The following ZFYVE9 variants were observed in gnomAD, a reference collection of about 807,000 sequenced individuals.
ZFYVE9 encodes the protein zinc finger FYVE-type containing 9.
A neutral mutation model predicts 126.7 loss-of-function variants in ZFYVE9; 43 were observed. That is an observed-to-expected ratio of 0.34 (90% CI 0.27 to 0.44). ZFYVE9 has a LOEUF of 0.44. ZFYVE9 is among the 20% of genes least tolerant of loss of function. The pLI is 1.00. For missense variants in ZFYVE9, 1,476 were observed against 1,697.0 expected, an observed-to-expected ratio of 0.87 and a Z score of 2.29; for synonymous variants, 521 against 597.4, an observed-to-expected ratio of 0.87 and a Z score of 1.87.
At chr1:52,208,483 T>G (rs188219905) in intron 1 of ZFYVE9, among the ~76,000 whole-genome samples, 186 of 152,000 alleles carry the variant, frequency 1.2e-3, no homozygotes, top group African/African-American at 4.2e-3. Flanking sequence ...AAAACATGGT[T>G]TAAGTCTGAA....
chr1:52,232,356 G>A (rs1173741610), intron 2 of ZFYVE9, among the ~76,000 whole-genome samples: 1 of 152,156 alleles, frequency 6.6e-6, no homozygotes, highest in Non-Finnish European at 1.5e-5. Context: ...CATACCTAGT[G>A]TATATGCCCA....
At chr1:52,233,395 A>G (rs1467906364) in intron 3 of ZFYVE9, 119 bp downstream of exon 3, 2 of 519,884 alleles carry the variant, frequency 3.8e-6, no homozygotes, top group Non-Finnish European at 6.1e-6. Context: ...TAGTAATATT[A>G]TTTAATAATA....
chr1:52,324,367 C>G (rs1488153470), intron 13 of ZFYVE9, among the ~76,000 whole-genome samples: 1 of 152,194 alleles, frequency 6.6e-6, no homozygotes, highest in African/African-American at 2.4e-5. Flanking sequence ...GGTCTAGCCT[C>G]TGGACACTAG....
chr1:52,314,433 G>A (rs1237506252), intron 13 of ZFYVE9, among the ~76,000 whole-genome samples: 1 of 152,216 alleles, frequency 6.6e-6, no homozygotes, highest in Non-Finnish European at 1.5e-5. Context: ...CATAATCCCA[G>A]CACTTTGGAA....
In ZFYVE9 at chr1:52,340,204, A is replaced by T. The variant is rs1237601157; in HGVS notation, c.3912A>T (p.Ala1304=). Residue 1304 remains alanine, a synonymous_variant, in exon 17 of 19, where the codon GCA becomes GCT. Coordinates refer to ENST00000287727, the MANE Select transcript of ZFYVE9 (RefSeq NM_004799.4). ...VKIFHGSEYK[A]NGKVIRWTEV... ...TATTCCATGGATCAGAATATAAAGC[A>T]AATGGAAAAGTAATCAGATGGACAG... is the stretch of plus-strand genomic sequence containing the variant. The T allele has an allele frequency of 6.2e-7, 1 of 1,613,892 alleles. No individual in the cohort carries two copies.
At chr1:52,309,313 C>T (rs1213382425) in intron 13 of ZFYVE9, among the ~76,000 whole-genome samples, 4 of 152,082 alleles carry the variant, frequency 2.6e-5, no homozygotes, top group Admixed American at 2.6e-4. Context: ...CCCATTTCTA[C>T]AAAAAATACA....
chr1:52,294,650 A>G (rs961698503), intron 11 of ZFYVE9, among the ~76,000 whole-genome samples: 5 of 152,226 alleles, frequency 3.3e-5, no homozygotes. Context: ...GGGAGCTCCA[A>G]GACAGGCTCT....
In ZFYVE9 at chr1:52,272,673, C is replaced by CTTTTTTTTTTT. The variant is rs58857376; in HGVS notation, c.2626-1781_2626-1771dup. 1.8e-4 allele frequency among the ~76,000 whole-genome samples: 22 copies of CTTTTTTTTTTT among 121,260 alleles called. 1 individual carries two copies. The highest frequency in any genetic ancestry group is 6.4e-4 in the African/African-American group (19 of 29,598). 79.6% of individuals were successfully genotyped at this position (121,260 alleles called of 152,430 possible). On this transcript the variant is annotated intron_variant, in intron 7 of 18. Coordinates refer to ENST00000287727, the MANE Select transcript of ZFYVE9 (RefSeq NM_004799.4). ...ATGAAATGAAGCTGCTAGAAATAATCTTTTTTTTTTTTTTTTTTTTGAGTC... is the reference window on the plus strand; with the variant it reads ...ATGAAATGAAGCTGCTAGAAATAATCTTTTTTTTTTTTTTTTTTTTTTTTTTTTTTTGAGTC...
intron 13 of ZFYVE9, among the ~76,000 whole-genome samples, chr1:52,327,485 C>T (rs1406021740): frequency 6.6e-6 from 1 of 151,884 alleles, no homozygotes; most frequent in Non-Finnish European, 1.5e-5. Flanking sequence ...GCCTGAAGTC[C>T]CAGCTACTCG....
intron 1 of ZFYVE9, among the ~76,000 whole-genome samples, chr1:52,176,517 C>G (rs558601507): frequency 6.6e-6 from 1 of 152,330 alleles, no homozygotes; most frequent in East Asian, 1.9e-4. Context: ...CTGCTCTCTT[C>G]AAAGCTGTCA....
chr1:52,145,859 G>A (rs1282340488), intron 1 of ZFYVE9, among the ~76,000 whole-genome samples: 2 of 151,954 alleles, frequency 1.3e-5, no homozygotes, highest in East Asian at 1.9e-4. Context: ...CAATAAATTA[G>A]TATTCCCTTT....
intron 13 of ZFYVE9, among the ~76,000 whole-genome samples, chr1:52,315,442 ATATAT>A: frequency 6.6e-6 from 1 of 152,280 alleles, no homozygotes; most frequent in East Asian, 1.9e-4. Context: ...ATAAAATAAC[ATATAT>A]TAAATAGTAA....
chr1:52,344,001 G>A (rs572651297), intron 17 of ZFYVE9, among the ~76,000 whole-genome samples: 1 of 152,106 alleles, frequency 6.6e-6, no homozygotes, highest in East Asian at 1.9e-4. Context: ...GAACCTAAGA[G>A]GCAAAGGTTG....
chr1:52,179,314 T>TG (rs1644672904), intron 1 of ZFYVE9, among the ~76,000 whole-genome samples: 1 of 152,086 alleles, frequency 6.6e-6, no homozygotes, highest in Non-Finnish European at 1.5e-5. Context: ...CAAGAGGTCA[T>TG]GAGAGAGAAC....
At chr1:52,218,521 G>A (rs957900379) in intron 2 of ZFYVE9, among the ~76,000 whole-genome samples, 1 of 152,202 alleles carries the variant, frequency 6.6e-6, no homozygotes, top group Non-Finnish European at 1.5e-5. Context: ...AGGCTGTGGG[G>A]TGCTGGAAGA....
intron 10 of ZFYVE9, among the ~76,000 whole-genome samples, chr1:52,287,360 G>T (rs573435552): frequency 7.2e-5 from 11 of 152,062 alleles, no homozygotes; most frequent in African/African-American, 1.9e-4. Flanking sequence ...TGATCCACCC[G>T]CCTGGGCCAC....
chr1:52,323,927 C>T (rs867944549), intron 13 of ZFYVE9, among the ~76,000 whole-genome samples: 3 of 146,586 alleles, frequency 2.0e-5, no homozygotes, highest in African/African-American at 5.0e-5. Context: ...GGCGTGATGG[C>T]GCATGCCTGT....
intron 1 of ZFYVE9, among the ~76,000 whole-genome samples, chr1:52,177,896 A>G (rs1169253878): frequency 6.6e-6 from 1 of 151,996 alleles, no homozygotes; most frequent in Non-Finnish European, 1.5e-5. Flanking sequence ...ATACTTAGAC[A>G]CAGGAGCTAG....
chr1:52,227,261 G>A (rs1236935341), intron 2 of ZFYVE9, among the ~76,000 whole-genome samples: 2 of 152,258 alleles, frequency 1.3e-5, no homozygotes, highest in African/African-American at 4.8e-5. Flanking sequence ...TGAGTCTGCA[G>A]TTGGCAAGCT....
Sources: allele counts gnomAD v4.1 joint callset (sites outside exome capture counted in the v4.1 genomes callset), GRCh38; gene constraint gnomAD v4.1.1; transcripts MANE v1.5; gene names NCBI Gene and HGNC (gene_info 2026-07-23, HGNC 2026-07-21).